Variants in GUCY2D observed in about 807,000 individuals in gnomAD.
The protein encoded by GUCY2D is guanylate cyclase 2D, retinal.
GUCY2D carries 70 observed loss-of-function variants against 101.3 expected under a neutral mutation model. The ratio of observed to expected loss-of-function variants is 0.69; its 90% confidence interval spans 0.57 to 0.84. GUCY2D has a LOEUF of 0.84. Ranked by LOEUF, GUCY2D falls within the 40% of genes least tolerant of loss-of-function variation. The probability of loss-of-function intolerance (pLI) is 0.00; values close to 1 mark genes in which losing one functional copy is unlikely to be tolerated. For synonymous variants in GUCY2D, 688 were observed against 670.7 expected (o/e 1.03, Z -0.40); for missense variants, 1,460 against 1,542.5 (o/e 0.95, Z 0.90).
chr17:8,016,931 C>A, intron 19 of GUCY2D: 1 of 182,740 alleles, frequency 5.5e-6, no homozygotes, highest in Non-Finnish European at 1.2e-5. Flanking sequence ...GCCCACTCCC[C>A]TCCTGCAAGA....
Position 8,003,157 on chromosome 17 carries a change from C to G in GUCY2D, c.110C>G (p.Pro37Arg). The part of the protein sequence containing the change: ...PRLPRALPRL[P>R]LLLLLLLLQP... ...CTCCCCCGGGCCCTGCCCCGGCTCC[C>G]GCTCCTGCTGCTCCTGCTTCTGCTG... Residue 37 changes from proline to arginine, a missense_variant, in exon 2 of 20, where the codon CCG becomes CGG. Coordinates refer to ENST00000254854, the MANE Select transcript of GUCY2D (RefSeq NM_000180.4). The G allele has an allele frequency of 2.0e-6, 3 of 1,510,390 alleles. No homozygotes were observed. The highest frequency in any genetic ancestry group is 2.6e-6 in the Non-Finnish European group (3 of 1,135,234). 93.6% of individuals were successfully genotyped at this position (1,510,390 alleles called of 1,614,324 possible). A position where few individuals can be genotyped will look rare whatever the true frequency, so the allele number is the denominator to read the frequency against.
At chr17:8,018,544 G>A (rs1482797876) in intron 19 of GUCY2D, among the ~76,000 whole-genome samples, 1 of 151,998 alleles carries the variant, frequency 6.6e-6, no homozygotes, top group African/African-American at 2.4e-5. Flanking sequence ...TTTGTTTTGA[G>A]CTAACATTTA....
chr17:8,009,287 C>A (rs1416029829), intron 7 of GUCY2D, among the ~76,000 whole-genome samples: 1 of 152,178 alleles, frequency 6.6e-6, no homozygotes, highest in Non-Finnish European at 1.5e-5. Context: ...GGACAGCCAT[C>A]CATGGCTTCA....
At position 8,002,712 on chromosome 17, in the gene GUCY2D, G is replaced by T; in HGVS notation, c.-32G>T. 7.6e-6 allele frequency: 1 copy of T among 132,246 alleles called. No individual in the cohort carries two copies. The allele number at this position is 132,246 out of a possible 1,614,324, so 8.2% of individuals were successfully genotyped here. Reference sequence around the variant, plus strand: ...CTGTGACCCCTCACCGGGGGCCGTGGGCCCGAGCCCCCGGACTTCCCTGTA... The same window carrying T: ...CTGTGACCCCTCACCGGGGGCCGTGTGCCCGAGCCCCCGGACTTCCCTGTA... On this transcript the variant is annotated 5_prime_UTR_variant, in exon 1 of 20. Transcript: ENST00000254854. The surrounding 1 kb of genome is among the most constrained non-coding windows in gnomAD (Gnocchi z 4.9).
chr17:8,015,973 TCTG>T lies in GUCY2D; in HGVS notation c.3091_3093del (p.Leu1031del). 6.2e-7 allele frequency: 1 copy of T among 1,612,266 alleles called. No individual in the cohort carries two copies. The highest frequency in any genetic ancestry group is 8.5e-7 in the Non-Finnish European group (1 of 1,179,468). ...TGAGCACTGTGGGGATTCTCCGTGC[TCTG>T]GACTCGGGCTACCAGGTGGAGCTGC... On this transcript the variant is annotated inframe_deletion, in exon 17 of 20. Transcript: ENST00000254854.
rs1567962477 is a variant in GUCY2D, at chr17:8,016,242, GAC to G, written c.3177_3178del (p.Gly1061LeufsTer10). 6.3e-7 allele frequency: 1 copy of G among 1,590,234 alleles called. No individual in the cohort carries two copies. ...GAGGACACTTTCTGGCTAGTGGGCA[GAC>G]GCGGCTTCAACAAGCCCATCCCCAA... is the stretch of plus-strand genomic sequence containing the variant. On this transcript the variant is annotated frameshift_variant, in exon 18 of 20. Transcript: ENST00000254854. LOFTEE classifies it high-confidence loss of function.
intron 6 of GUCY2D, 100 bp downstream of exon 6, chr17:8,007,628 G>A (rs1400129554): frequency 2.7e-6 from 2 of 753,636 alleles, no homozygotes; most frequent in Non-Finnish European, 4.7e-6. Flanking sequence ...TGGGAAGCCT[G>A]ATTTCTACCC....
chr17:8,002,943 T>A lies in GUCY2D; in HGVS notation c.-9-96T>A. The A allele has an allele frequency of 1.1e-6, 1 of 939,194 alleles. No homozygotes were observed. 58.2% of individuals were successfully genotyped at this position (939,194 alleles called of 1,614,324 possible). A position where few individuals can be genotyped will look rare whatever the true frequency, so the allele number is the denominator to read the frequency against. On this transcript the variant is annotated intron_variant, in intron 1 of 19. Transcript: ENST00000254854. The surrounding 1 kb of genome is among the most constrained non-coding windows in gnomAD (Gnocchi z 4.9). ...GGGCGGTAGCAGCAGAATCATCCCATGGGTTACTCGGGCTTGGAGAAACTC... is the reference window on the plus strand; with the variant it reads ...GGGCGGTAGCAGCAGAATCATCCCAAGGGTTACTCGGGCTTGGAGAAACTC...
At position 8,011,112 on chromosome 17, in the gene GUCY2D, C is replaced by T. The variant is rs1179082878; in HGVS notation, c.1750-1032C>T. On this transcript the variant is annotated intron_variant, in intron 8 of 19. Transcript: ENST00000254854. This position sits in a 1 kb window ranked among gnomAD's most constrained non-coding sequence, Gnocchi z 4.3. The stretch of plus-strand genomic sequence containing the variant: ...CACAGCTTCAGGCCGGGCACCGTGG[C>T]TCACGCCTGTAATCCCAGCACTTTG... Among the ~76,000 whole-genome samples, 1 of 152,100 alleles carries T rather than the reference C, an allele frequency of 6.6e-6. No individual in the cohort carries two copies. The highest frequency in any genetic ancestry group is 1.5e-5 in the Non-Finnish European group (1 of 68,026).
Position 8,016,200 on chromosome 17 carries a change from C to T in GUCY2D, c.3139-5C>T. On this transcript the variant is annotated splice_region_variant and splice_polypyrimidine_tract_variant and intron_variant, in intron 17 of 19. Coordinates refer to ENST00000254854, the MANE Select transcript of GUCY2D (RefSeq NM_000180.4). ...TAAGTCCTTCCCTCTCCCATGTCTCCCCAGGGCAAGGGCGCCGAGGACACT... is the reference window on the plus strand; with the variant it reads ...TAAGTCCTTCCCTCTCCCATGTCTCTCCAGGGCAAGGGCGCCGAGGACACT... The T allele has an allele frequency of 3.8e-6, 6 of 1,578,598 alleles. No homozygotes were observed. Among genetic ancestry groups the T allele is most frequent in the Non-Finnish European group, 5.2e-6 (6 of 1,159,968 alleles).
chr17:8,020,088 CCTTT>C (rs1337663684), intron 19 of GUCY2D, 36 bp from the exon 20 acceptor site: 1 of 138,318 alleles, frequency 7.2e-6, no homozygotes, highest in Non-Finnish European at 1.5e-5. Flanking sequence ...TCACCTGGCG[CCTTT>C]TTTTTTTTTT....
intron 7 of GUCY2D, 28 bp downstream of exon 7, chr17:8,008,060 G>C (rs1388765139): frequency 7.3e-7 from 1 of 1,375,288 alleles, no homozygotes; most frequent in African/African-American, 1.4e-5. Context: ...CAGACAGAGA[G>C]ACAGTGGGGG....
chr17:8,018,447 G>A (rs1976016039), intron 19 of GUCY2D, among the ~76,000 whole-genome samples: 2 of 152,054 alleles, frequency 1.3e-5, no homozygotes, highest in Non-Finnish European at 2.9e-5. Flanking sequence ...ATCACCCTAA[G>A]ATCTTTAAAT....
In GUCY2D at chr17:8,013,197, G is replaced by A. The variant is rs764334726; in HGVS notation, c.2208G>A (p.Met736Ile). 2 of 1,614,166 alleles carry A rather than the reference G, an allele frequency of 1.2e-6. No individual in the cohort carries two copies. The highest frequency in any genetic ancestry group is 1.7e-6 in the Non-Finnish European group (2 of 1,180,008). The change falls in exon 11 of 20, where the codon ATG becomes ATA. Residue 736 changes from methionine to isoleucine, a missense_variant. Met to Ile is a conservative substitution (Grantham distance 10). This residue lies in a region of GUCY2D where 1,196 missense variants were observed against 1,229.6 expected (regional missense o/e 0.97). Coordinates refer to ENST00000254854, the MANE Select transcript of GUCY2D (RefSeq NM_000180.4). The surrounding 1 kb of genome is among the most constrained non-coding windows in gnomAD (Gnocchi z 5.0). ...AGDVFSLAII[M>I]QEVVCRSAPY... ...ACGTCTTTAGCTTGGCCATCATCAT[G>A]CAAGAAGTAGTGTGCCGCAGTGCCC...
Position 8,014,389 on chromosome 17 carries a change from C to T in GUCY2D, c.2413-212C>T, listed in dbSNP as rs1975919210. On this transcript the variant is annotated intron_variant, in intron 12 of 19. Transcript: ENST00000254854. This position sits in a 1 kb window ranked among gnomAD's most constrained non-coding sequence, Gnocchi z 4.0. ...CAATTACTAGCTGAGATCAACTGAC[C>T]TCTGGGAACCCTCATTTCCCACGTG... The T allele has an allele frequency of 6.3e-6, 4 of 637,780 alleles. No individual in the cohort carries two copies. In the Admixed American group the frequency reaches 9.2e-5, roughly 15 times the overall value. The allele number at this position is 637,780 out of a possible 1,614,324, so 39.5% of individuals were successfully genotyped here.
In GUCY2D at chr17:8,011,926, A is replaced by G. The variant is rs995485063; in HGVS notation, c.1750-218A>G. Among the ~76,000 whole-genome samples the G allele has an allele frequency of 6.6e-6, 1 of 152,226 alleles. No homozygotes were observed. The highest frequency in any genetic ancestry group is 2.4e-5 in the African/African-American group (1 of 41,452). On this transcript the variant is annotated intron_variant, in intron 8 of 19. Coordinates refer to ENST00000254854, the MANE Select transcript of GUCY2D (RefSeq NM_000180.4). This position sits in a 1 kb window ranked among gnomAD's most constrained non-coding sequence, Gnocchi z 4.3. ...CATTCACAGCATTAGGCTAAACCATACTCAGTATCCAAACAGTGGCCTTTG... is the reference window on the plus strand; with the variant it reads ...CATTCACAGCATTAGGCTAAACCATGCTCAGTATCCAAACAGTGGCCTTTG...
In GUCY2D at chr17:8,003,239, C is replaced by T. The variant is rs1975665692; in HGVS notation, c.192C>T (p.Cys64=). Residue 64 remains cysteine, a synonymous_variant, in exon 2 of 20, where the codon TGC becomes TGT. Transcript: ENST00000254854. ...FTVGVLGPWA[C]DPIFSRARPD... is the part of the protein sequence containing the mutation. ...TGGGGGTCCTGGGCCCCTGGGCTTG[C>T]GACCCCATCTTCTCTCGGGCTCGCC... 4.6e-6 allele frequency: 7 copies of T among 1,516,576 alleles called. No individual in the cohort carries two copies. Among genetic ancestry groups the T allele is most frequent in the African/African-American group, 1.4e-5 (1 of 69,248 alleles). 93.9% of individuals were successfully genotyped at this position (1,516,576 alleles called of 1,614,324 possible).
rs61749756 is a variant in GUCY2D at position 8,009,554 on chromosome 17, A to C, written c.1717A>C (p.Ile573Leu). 6.2e-7 allele frequency: 1 copy of C among 1,613,862 alleles called. No homozygotes were observed. The highest frequency in any genetic ancestry group is 1.1e-5 in the South Asian group (1 of 91,076). Residue 573 changes from isoleucine (I) to leucine (L), a missense_variant, in exon 8 of 20, where the codon ATC becomes CTC. Physicochemically the swap from Ile to Leu is conservative, Grantham distance 5. Coordinates refer to ENST00000254854, the MANE Select transcript of GUCY2D (RefSeq NM_000180.4). ...ATTCCCAGGGGATCAGCACATAGCT[A>C]TCCGCCCAGCAACCAAGACGGCCTT... ...KKFPGDQHIAIRPATKTAFSK... is the reference protein window; with the variant it reads ...KKFPGDQHIALRPATKTAFSK...
chr17:8,017,293 G>A (rs566944947), intron 19 of GUCY2D, among the ~76,000 whole-genome samples: 2 of 152,292 alleles, frequency 1.3e-5, no homozygotes, highest in African/African-American at 2.4e-5. Context: ...TCACCCCCAG[G>A]AGCCCTGAGT....
Sources: allele counts gnomAD v4.1 joint callset (sites outside exome capture counted in the v4.1 genomes callset), GRCh38; gene constraint gnomAD v4.1.1; regional missense constraint gnomAD v4.1.1; non-coding constraint Gnocchi (gnomAD v3.1); transcripts MANE v1.5; gene names NCBI Gene and HGNC (gene_info 2026-07-23, HGNC 2026-07-21).